The following SPG21 variants were observed in gnomAD, a reference collection of about 807,000 sequenced individuals.
SPG21 encodes the protein SPG21 abhydrolase domain containing, maspardin, also known as maspardin.
In SPG21, 26 loss-of-function variants were observed where a neutral mutation model predicts 38.9. That is an observed-to-expected ratio of 0.67 (90% CI 0.49 to 0.93). The LOEUF (loss-of-function observed/expected upper bound fraction) is 0.93, where lower values mean the gene tolerates loss of function less well. SPG21 is among the 40% of genes least tolerant of loss of function. The pLI is 0.00. For synonymous variants in SPG21, 136 were observed against 128.9 expected, an observed-to-expected ratio of 1.05 and a Z score of -0.37; for missense variants, 333 against 376.5, an observed-to-expected ratio of 0.88 and a Z score of 0.96.
chr15:64,986,242 C>T (rs766253746), intron 1 of SPG21, among the ~76,000 whole-genome samples: 37 of 152,016 alleles, frequency 2.4e-4, no homozygotes, highest in African/African-American at 7.7e-4. Flanking sequence ...GGCGCACGCC[C>T]GTAGTCCCAG....
chr15:64,967,292 A>G (rs77073098), intron 7 of SPG21, among the ~76,000 whole-genome samples: 1 of 151,994 alleles, frequency 6.6e-6, no homozygotes, highest in Admixed American at 6.6e-5. Flanking sequence ...ATAAAAAAAA[A>G]TTAAAAGCAG....
intron 5 of SPG21, among the ~76,000 whole-genome samples, chr15:64,971,418 A>C (rs2085660145): frequency 6.6e-6 from 1 of 152,238 alleles, no homozygotes; most frequent in South Asian, 2.1e-4. Flanking sequence ...GGGCGCCTGT[A>C]GTCCCAGCTA....
At chr15:64,971,520 C>T (rs60006808) in intron 5 of SPG21, among the ~76,000 whole-genome samples, 6,357 of 151,224 alleles carry the variant, frequency 0.042, 345 homozygotes, top group African/African-American at 0.12. Flanking sequence ...GCCTGGGCGA[C>T]AGAGCCAGAC....
rs1314719560 is a variant in SPG21 at position 64,963,514 on chromosome 15, C to T, written c.*106G>A. 11 of 859,746 alleles carry T rather than the reference C, an allele frequency of 1.3e-5. 1 individual carries two copies. The highest frequency in any genetic ancestry group is 9.7e-5 in the East Asian group (4 of 41,076). 53.3% of individuals were successfully genotyped at this position (859,746 alleles called of 1,614,324 possible). On this transcript the variant is annotated 3_prime_UTR_variant, in exon 9 of 9. Coordinates refer to ENST00000204566, the MANE Select transcript of SPG21 (RefSeq NM_016630.7). ...CCTACTTCCCAGACACAGTGAGAACCGGTGAGCCTGACGAACCTGAAGGAA... is the reference window on the plus strand; with the variant it reads ...CCTACTTCCCAGACACAGTGAGAACTGGTGAGCCTGACGAACCTGAAGGAA...
intron 8 of SPG21, among the ~76,000 whole-genome samples, chr15:64,964,049 C>T (rs559498032): frequency 6.6e-6 from 1 of 152,252 alleles, no homozygotes; most frequent in South Asian, 2.1e-4. Context: ...AGCCACTGCA[C>T]CCTGCCAGAA....
chr15:64,985,853 T>G (rs1001792095), intron 1 of SPG21, among the ~76,000 whole-genome samples: 1 of 152,206 alleles, frequency 6.6e-6, no homozygotes, highest in African/African-American at 2.4e-5. Context: ...AGACAGCAGA[T>G]GTAGACATTC....
At chr15:64,967,512 T>C (rs2085565371) in intron 7 of SPG21, among the ~76,000 whole-genome samples, 1 of 151,616 alleles carries the variant, frequency 6.6e-6, no homozygotes, top group Non-Finnish European at 1.5e-5. Flanking sequence ...TCTCACTCTA[T>C]TGGCAGGCTG....
intron 1 of SPG21, among the ~76,000 whole-genome samples, chr15:64,985,714 A>C (rs943056727): frequency 6.6e-6 from 1 of 152,132 alleles, no homozygotes; most frequent in Non-Finnish European, 1.5e-5. Context: ...CTGGACTGGC[A>C]AGGAACAGGG....
chr15:64,974,676 A>G lies in SPG21; in HGVS notation c.378T>C (p.Pro126=). The G allele has an allele frequency of 6.2e-7, 1 of 1,614,192 alleles. No homozygotes were observed. Among genetic ancestry groups the G allele is most frequent in the Non-Finnish European group, 8.5e-7 (1 of 1,180,032 alleles). ...TGCAGAGGATTAGGGAATGGACTCT[A>G]GGAGATTTGTGAGTGTATTCAGCAA... ...QKFAEYTHKS[P]RVHSLILCNS... Residue 126 remains proline (P), a synonymous_variant, in exon 5 of 9, where the codon CCT becomes CCC. Coordinates refer to ENST00000204566, the MANE Select transcript of SPG21 (RefSeq NM_016630.7).
intron 5 of SPG21, among the ~76,000 whole-genome samples, chr15:64,971,582 G>A (rs892272431): frequency 1.3e-5 from 2 of 151,184 alleles, no homozygotes; most frequent in Non-Finnish European, 2.9e-5. Flanking sequence ...GCTCATGCCT[G>A]TAATCCAGAA....
In SPG21 at chr15:64,965,270, G is replaced by T. The variant is rs1005720041; in HGVS notation, c.810+50C>A. The T allele has an allele frequency of 4.3e-6, 7 of 1,612,330 alleles. No individual in the cohort carries two copies. In the African/African-American group the frequency reaches 8.0e-5, roughly 18 times the overall value. Reference sequence around the variant, plus strand: ...GTCCATTAAAAGAAGTCTTTATGTTGCAAACATATGTTGGGCTCAGAGTGC... The same window carrying T: ...GTCCATTAAAAGAAGTCTTTATGTTTCAAACATATGTTGGGCTCAGAGTGC... On this transcript the variant is annotated intron_variant, in intron 8 of 8. Coordinates refer to ENST00000204566, the MANE Select transcript of SPG21 (RefSeq NM_016630.7).
intron 2 of SPG21, 106 bp downstream of exon 2, chr15:64,983,401 C>T (rs1184142924): frequency 1.3e-5 from 10 of 793,816 alleles, no homozygotes; most frequent in Admixed American, 8.3e-5. Context: ...TCATGATACT[C>T]GGCAGTAACC....
chr15:64,963,448 G>A lies in SPG21; in HGVS notation c.*172C>T. ...AACCAAAGAGGGAACAGTTACACAG[G>A]CTTAGTGGAGATGCCGCCTGTCATG... On this transcript the variant is annotated 3_prime_UTR_variant, in exon 9 of 9. Transcript: ENST00000204566. 1 of 646,006 alleles carries A rather than the reference G, an allele frequency of 1.5e-6. No individual in the cohort carries two copies. The allele number at this position is 646,006 out of a possible 1,614,324, so 40.0% of individuals were successfully genotyped here. A position where few individuals can be genotyped will look rare whatever the true frequency, so the allele number is the denominator to read the frequency against.
chr15:64,984,111 C>T (rs2085940525), intron 1 of SPG21, among the ~76,000 whole-genome samples: 2 of 152,004 alleles, frequency 1.3e-5, no homozygotes, highest in Admixed American at 6.6e-5. Context: ...AGAAATTATT[C>T]CAACACCCTT....
At chr15:64,966,118 C>T (rs533488138) in intron 7 of SPG21, among the ~76,000 whole-genome samples, 2 of 152,122 alleles carry the variant, frequency 1.3e-5, no homozygotes, top group Middle Eastern at 3.4e-3. Context: ...AAAAAGATCA[C>T]GAAGCCCCAA....
In SPG21 at chr15:64,976,529, A is replaced by G. The variant is rs139220894; in HGVS notation, c.252T>C (p.His84=). Reference sequence around the variant, plus strand: ...TTCTGAATCCATCACAGAACTCGAGATGGTCCCAATAAACTGGATACTGCA... The same window carrying G: ...TTCTGAATCCATCACAGAACTCGAGGTGGTCCCAATAAACTGGATACTGCA... ...IALQYPVYWD[H]LEFCDGFRKL... The change falls in exon 4 of 9, where the codon CAT becomes CAC. Residue 84 remains histidine, a synonymous_variant. Transcript: ENST00000204566. 6.2e-7 allele frequency: 1 copy of G among 1,612,808 alleles called. No individual in the cohort carries two copies. Among genetic ancestry groups the G allele is most frequent in the Non-Finnish European group, 8.5e-7 (1 of 1,179,076 alleles).
At chr15:64,984,714 C>G (rs1175657391) in intron 1 of SPG21, among the ~76,000 whole-genome samples, 1 of 151,486 alleles carries the variant, frequency 6.6e-6, no homozygotes, top group Non-Finnish European at 1.5e-5. Context: ...ATAAATCTAA[C>G]TGTAATAGCA....
chr15:64,979,345 T>C (rs1038546574), intron 3 of SPG21, among the ~76,000 whole-genome samples: 5 of 152,134 alleles, frequency 3.3e-5, no homozygotes, highest in African/African-American at 1.2e-4. Flanking sequence ...CCAAAAATGG[T>C]AGTGTCATGT....
At chr15:64,979,286 G>A (rs889836066) in intron 3 of SPG21, among the ~76,000 whole-genome samples, 3 of 152,134 alleles carry the variant, frequency 2.0e-5, no homozygotes, top group African/African-American at 7.2e-5. Context: ...TGGGACGGGC[G>A]CCTATGGGTT....
Sources: gnomAD v4.1 joint callset for allele counts (sites outside exome capture counted in the v4.1 genomes callset) on GRCh38, gnomAD v4.1.1 for gene constraint, MANE v1.5 for transcripts, NCBI Gene and HGNC (gene_info 2026-07-23, HGNC 2026-07-21) for gene names.